The following SWT1 variants were observed in gnomAD, a reference collection of about 807,000 sequenced individuals.
SWT1 encodes transcriptional protein SWT1.
A neutral mutation model predicts 107.3 loss-of-function variants in SWT1; 33 were observed. The ratio of observed to expected loss-of-function variants is 0.31; its 90% CI spans 0.23 to 0.41. The LOEUF (loss-of-function observed/expected upper bound fraction) is 0.41, where lower values mean the gene tolerates loss of function less well. SWT1 is among the 10% of genes least tolerant of loss of function. SWT1 has a pLI of 1.00. For missense variants in SWT1, 898 were observed against 1,028.9 expected, an observed-to-expected ratio of 0.87 and a Z score of 1.74; for synonymous variants, 345 against 348.3, an observed-to-expected ratio of 0.99 and a Z score of 0.11.
chr1:185,219,075 G>A (rs2102517810), intron 14 of SWT1, among the ~76,000 whole-genome samples: 1 of 152,276 alleles, frequency 6.6e-6, no homozygotes, highest in African/African-American at 2.4e-5. Flanking sequence ...AGGATAAAAT[G>A]TCTTTTCATT....
At chr1:185,253,951 C>G (rs1405294078) in intron 16 of SWT1, among the ~76,000 whole-genome samples, 1 of 149,208 alleles carries the variant, frequency 6.7e-6, no homozygotes, top group Non-Finnish European at 1.5e-5. Context: ...GAAATATGTC[C>G]CATCAATACC....
chr1:185,213,958 CT>C (rs1171692289), intron 13 of SWT1, among the ~76,000 whole-genome samples: 3 of 152,104 alleles, frequency 2.0e-5, no homozygotes, highest in African/African-American at 4.8e-5. Context: ...GTTGCCCAAA[CT>C]TTTTTTCTCT....
rs1407929752 is a variant in SWT1, at chr1:185,254,388, G to A, written c.2442-16935G>A. On this transcript the variant is annotated intron_variant, in intron 16 of 18. Transcript: ENST00000367500. ...CCTCCTTGTACCTCTGGTAGAATTC[G>A]GCTGTGAATCCATCTGGTCCTGGAC... is the stretch of plus-strand genomic sequence containing the variant. Among the ~76,000 whole-genome samples the A allele has an allele frequency of 2.5e-4, 33 of 129,570 alleles. 2 individuals are homozygous for A. The highest frequency in any genetic ancestry group is 4.6e-4 in the Non-Finnish European group (29 of 63,100). 85.0% of individuals were successfully genotyped at this position (129,570 alleles called of 152,430 possible). A position where few individuals can be genotyped will look rare whatever the true frequency, so the allele number is the denominator to read the frequency against.
intron 14 of SWT1, 68 bp from the exon 15 acceptor site, chr1:185,221,781 T>G (rs1428462427): frequency 1.8e-5 from 20 of 1,101,900 alleles, no homozygotes; most frequent in Admixed American, 2.7e-5. Flanking sequence ...TAAGCACAGT[T>G]GCCACTCTCT....
intron 11 of SWT1, 67 bp from the exon 12 acceptor site, chr1:185,204,633 T>A (rs1658164165): frequency 2.6e-6 from 2 of 769,730 alleles, no homozygotes; most frequent in Non-Finnish European, 4.1e-6. Context: ...TATGGCAATA[T>A]ACTAATTATA....
chr1:185,285,414 G>A (rs993777397), intron 18 of SWT1, among the ~76,000 whole-genome samples: 22 of 151,986 alleles, frequency 1.4e-4, no homozygotes, highest in South Asian at 6.2e-4. Flanking sequence ...AACACCTGGC[G>A]GTTCAACATG....
intron 18 of SWT1, among the ~76,000 whole-genome samples, chr1:185,287,983 C>T (rs1456566864): frequency 2.0e-5 from 3 of 151,964 alleles, no homozygotes; most frequent in Non-Finnish European, 1.5e-5. Flanking sequence ...GAAATAGATT[C>T]AAAAGTCTAG....
At chr1:185,179,983 C>T (rs766459454) in intron 5 of SWT1, among the ~76,000 whole-genome samples, 2 of 152,120 alleles carry the variant, frequency 1.3e-5, no homozygotes, top group Admixed American at 6.5e-5. Flanking sequence ...CTCAGGATTT[C>T]GAGACCAGCC....
At chr1:185,252,177 A>G (rs1413813930) in intron 16 of SWT1, among the ~76,000 whole-genome samples, 3 of 152,102 alleles carry the variant, frequency 2.0e-5, no homozygotes, top group Admixed American at 6.5e-5. Flanking sequence ...AATCCAGTCT[A>G]TCATTGGTGG....
chr1:185,276,396 G>C (rs2030361897), intron 17 of SWT1, among the ~76,000 whole-genome samples: 1 of 152,086 alleles, frequency 6.6e-6, no homozygotes, highest in African/African-American at 2.4e-5. Flanking sequence ...TCTACTAACA[G>C]ATTAAGATAT....
chr1:185,249,886 C>T (rs1661884508), intron 16 of SWT1, among the ~76,000 whole-genome samples: 1 of 152,216 alleles, frequency 6.6e-6, no homozygotes, highest in South Asian at 2.1e-4. Flanking sequence ...CCTCCTCAAG[C>T]TGTGTCCTTC....
At chr1:185,231,810 A>G in intron 16 of SWT1, 102 bp downstream of exon 16, 1 of 790,740 alleles carries the variant, frequency 1.3e-6, no homozygotes, top group South Asian at 1.8e-5. Context: ...CATAGAATAG[A>G]CCGTGGCACT....
intron 15 of SWT1, among the ~76,000 whole-genome samples, chr1:185,222,414 T>C (rs1222318522): frequency 6.6e-6 from 1 of 152,160 alleles, no homozygotes. Flanking sequence ...CATGTATTTT[T>C]TCATGAGGTA....
intron 5 of SWT1, among the ~76,000 whole-genome samples, chr1:185,177,692 A>G (rs1655683072): frequency 6.6e-6 from 1 of 152,036 alleles, no homozygotes; most frequent in South Asian, 2.1e-4. Context: ...AAATAATTGT[A>G]TTTTCTTTTT....
At chr1:185,255,243 AAATGTAT>A (rs1043715901) in intron 16 of SWT1, among the ~76,000 whole-genome samples, 81 of 151,722 alleles carry the variant, frequency 5.3e-4, no homozygotes, top group African/African-American at 1.7e-3. Context: ...GTGCTGAAAA[AAATGTAT>A]ATTCTGTTGA....
intron 15 of SWT1, among the ~76,000 whole-genome samples, chr1:185,228,296 G>A (rs905101223): frequency 1.3e-4 from 20 of 151,210 alleles, no homozygotes; most frequent in Non-Finnish European, 2.5e-4. Context: ...TGAGGCAAGA[G>A]GATTGTTTGA....
chr1:185,180,792 A>G (rs1655958606), intron 6 of SWT1, among the ~76,000 whole-genome samples: 1 of 152,210 alleles, frequency 6.6e-6, no homozygotes, highest in Non-Finnish European at 1.5e-5. Context: ...TTTTTACTTC[A>G]TTTTAAAAAT....
chr1:185,168,322 T>TAAATGAGAGAC lies in SWT1; in HGVS notation c.166-18_166-17insAAATGAGAGAC. On this transcript the variant is annotated splice_polypyrimidine_tract_variant and intron_variant, in intron 3 of 18. Coordinates refer to ENST00000367500, the MANE Select transcript of SWT1 (RefSeq NM_017673.7). ...GTACCAGTGCACAATTTATGTGTCC[T>TAAATGAGAGAC]TTTTTTATTTATTTCAGAAATCAGA... 2 of 1,308,678 alleles carry TAAATGAGAGAC rather than the reference T, an allele frequency of 1.5e-6. No homozygotes were observed. Among genetic ancestry groups the TAAATGAGAGAC allele is most frequent in the Non-Finnish European group, 2.0e-6 (2 of 977,704 alleles). 81.1% of individuals were successfully genotyped at this position (1,308,678 alleles called of 1,614,324 possible).
At chr1:185,221,082 C>T (rs1659622914) in intron 14 of SWT1, among the ~76,000 whole-genome samples, 1 of 145,536 alleles carries the variant, frequency 6.9e-6, no homozygotes. Context: ...CACACACACA[C>T]ACTCTTCTAG....
Sources: gnomAD v4.1 joint callset for allele counts (sites outside exome capture counted in the v4.1 genomes callset) on GRCh38, gnomAD v4.1.1 for gene constraint, MANE v1.5 for transcripts, NCBI Gene and HGNC (gene_info 2026-07-23, HGNC 2026-07-21) for gene names.